DPF3: variants seen among roughly 807,000 people sequenced by gnomAD.
DPF3 encodes zinc finger protein DPF3.
Under a neutral mutation model 56.8 loss-of-function variants are expected in DPF3, and 18 were observed. That is an observed-to-expected ratio of 0.32 (90% CI 0.22 to 0.47). The LOEUF is 0.47. DPF3 is among the 20% of genes least tolerant of loss of function. The pLI, the probability that DPF3 is intolerant of heterozygous loss-of-function variation, is 1.00. For synonymous variants in DPF3, 188 were observed against 180.2 expected, an observed-to-expected ratio of 1.04 and a Z score of -0.35; for missense variants, 403 against 488.8, an observed-to-expected ratio of 0.82 and a Z score of 1.65.
intron 6 of DPF3, 44 bp downstream of exon 6, chr14:72,714,379 C>A: frequency 1.9e-6 from 3 of 1,607,820 alleles, no homozygotes; most frequent in Non-Finnish European, 2.6e-6. Flanking sequence ...GCCCTGGGGG[C>A]AGGCGCACAG....
At chr14:72,661,271 C>T in intron 8 of DPF3, 1 of 985,324 alleles carries the variant, frequency 1.0e-6, no homozygotes, top group Non-Finnish European at 1.2e-6. Context: ...TCGGTGATCC[C>T]CTCCACCAAC....
At chr14:72,875,171 C>T (rs1886065336) in intron 1 of DPF3, among the ~76,000 whole-genome samples, 1 of 152,220 alleles carries the variant, frequency 6.6e-6, no homozygotes, top group African/African-American at 2.4e-5. Flanking sequence ...GTCTCTCCCA[C>T]AACACATGGG....
chr14:72,855,490 G>T (rs10134150), intron 1 of DPF3, among the ~76,000 whole-genome samples: 88,253 of 152,092 alleles, frequency 0.58, 26,486 homozygotes, highest in East Asian at 0.88. Context: ...GGTCTGTTTA[G>T]TGCATTGAAA....
intron 8 of DPF3, among the ~76,000 whole-genome samples, chr14:72,641,870 G>A (rs1180644647): frequency 6.6e-6 from 1 of 152,230 alleles, no homozygotes; most frequent in African/African-American, 2.4e-5. Flanking sequence ...GTTATAAAAG[G>A]CACTGTGGTT....
rs1242773876 is a variant in DPF3 at position 72,845,613 on chromosome 14, TGC to T, written c.32+48442_32+48443del. Reference sequence around the variant, plus strand: ...GTGCCCATTGCAACATGGCACCCAATGCCACTTTCCAGAGTAGTGTGACGTCC... The same window carrying T: ...GTGCCCATTGCAACATGGCACCCAATCACTTTCCAGAGTAGTGTGACGTCC... On this transcript the variant is annotated intron_variant, in intron 1 of 10. Transcript: ENST00000556509. 2.0e-5 allele frequency among the ~76,000 whole-genome samples: 3 copies of T among 152,192 alleles called. No individual in the cohort carries two copies. In the East Asian group the frequency reaches 5.8e-4, roughly 29 times the overall value.
intron 3 of DPF3, among the ~76,000 whole-genome samples, chr14:72,737,908 T>G (rs112631058): frequency 6.6e-6 from 1 of 152,180 alleles, no homozygotes. Flanking sequence ...ATTTTTTTTT[T>G]TTTTAGCTGC....
chr14:72,740,870 A>G (rs1040803471), intron 3 of DPF3, among the ~76,000 whole-genome samples: 36 of 152,112 alleles, frequency 2.4e-4, no homozygotes, highest in African/African-American at 8.2e-4. Context: ...TCCCACGGCC[A>G]AGTTCTAGGT....
intron 2 of DPF3, among the ~76,000 whole-genome samples, chr14:72,754,780 A>G (rs1342841803): frequency 1.3e-5 from 2 of 152,148 alleles, no homozygotes; most frequent in African/African-American, 4.8e-5. Context: ...AACTCTACCC[A>G]TTTATTGGGA....
At position 72,715,670 on chromosome 14, in the gene DPF3, G is replaced by A. The variant is rs144029294; in HGVS notation, c.526-1169C>T. ...CACACACTCCATGTACACACTCACC[G>A]GGGACTTCACAGTGGAAAGGCCTGT... On this transcript the variant is annotated intron_variant, in intron 5 of 10. Transcript: ENST00000556509. Among the ~76,000 whole-genome samples the A allele has an allele frequency of 4.3e-3, 652 of 151,904 alleles. 2 individuals carry two copies. Among genetic ancestry groups the A allele is most frequent in the Middle Eastern group, 0.01 (3 of 294 alleles).
chr14:72,849,610 C>A (rs1161109728), intron 1 of DPF3, among the ~76,000 whole-genome samples: 1 of 152,164 alleles, frequency 6.6e-6, no homozygotes, highest in African/African-American at 2.4e-5. Context: ...CACCTCCCAC[C>A]TTCACCCTAA....
chr14:72,766,446 T>G lies in DPF3; in HGVS notation c.193+5287A>C, dbSNP rs111923527. Among the ~76,000 whole-genome samples, 339 of 152,282 alleles carry G rather than the reference T, an allele frequency of 2.2e-3. 2 individuals are homozygous for G. Among genetic ancestry groups the G allele is most frequent in the African/African-American group, 7.9e-3 (329 of 41,556 alleles). ...CTACCTATCTATCTAGCTATCTAACTATCTAGCTAGCTAGCTATTTATTGA... is the reference window on the plus strand; with the variant it reads ...CTACCTATCTATCTAGCTATCTAACGATCTAGCTAGCTAGCTATTTATTGA... On this transcript the variant is annotated intron_variant, in intron 2 of 10. Coordinates refer to ENST00000556509, the MANE Select transcript of DPF3 (RefSeq NM_001280542.3).
chr14:72,805,321 T>C (rs556585408), intron 1 of DPF3, among the ~76,000 whole-genome samples: 1 of 149,364 alleles, frequency 6.7e-6, no homozygotes, highest in Non-Finnish European at 1.5e-5. Context: ...AAATACAAAA[T>C]TAGCCGGGCA....
chr14:72,758,102 T>C (rs1185878436), intron 2 of DPF3, among the ~76,000 whole-genome samples: 1 of 152,152 alleles, frequency 6.6e-6, no homozygotes, highest in African/African-American at 2.4e-5. Flanking sequence ...TAATATACCA[T>C]TGGAACAATG....
Position 72,892,255 on chromosome 14 carries a change from G to A in DPF3, c.32+1802C>T, listed in dbSNP as rs370741767. The A allele has an allele frequency of 5.2e-6, 8 of 1,535,516 alleles. No homozygotes were observed. The African/African-American group carries it at 8.2e-5, about 16-fold the overall frequency. Reference sequence around the variant, plus strand: ...GAAACTGAAAATCAGTTGTGGGTTCGGTAGAAACAGCATCAGCGGTGTTGC... The same window carrying A: ...GAAACTGAAAATCAGTTGTGGGTTCAGTAGAAACAGCATCAGCGGTGTTGC... On this transcript the variant is annotated intron_variant, in intron 1 of 10. Coordinates refer to ENST00000556509, the MANE Select transcript of DPF3 (RefSeq NM_001280542.3).
At chr14:72,633,220 T>G in intron 8 of DPF3, among the ~76,000 whole-genome samples, 1 of 152,152 alleles carries the variant, frequency 6.6e-6, no homozygotes, top group East Asian at 1.9e-4. Flanking sequence ...GGATTCCTTC[T>G]GTGTTGAGCA....
intron 9 of DPF3, among the ~76,000 whole-genome samples, chr14:72,625,159 C>T (rs188531996): frequency 2.6e-5 from 4 of 152,234 alleles, no homozygotes; most frequent in African/African-American, 7.2e-5. Context: ...ATTGACAGTT[C>T]GTCCTTATAA....
intron 8 of DPF3, among the ~76,000 whole-genome samples, chr14:72,658,217 G>A (rs1331828664): frequency 6.6e-6 from 1 of 152,126 alleles, no homozygotes; most frequent in East Asian, 1.9e-4. Flanking sequence ...CTTTATGAGT[G>A]CTTATGTTCA....
rs79170683 is a variant in DPF3, at chr14:72,862,311, G to A, written c.32+31746C>T. On this transcript the variant is annotated intron_variant, in intron 1 of 10. Transcript: ENST00000556509. ...GACGAAGTGGAGCCCACACACACCT[G>A]CTGCCCTCACAGTCCTCACCATCAC... 9.6e-3 allele frequency among the ~76,000 whole-genome samples: 1,459 copies of A among 152,242 alleles called. 29 individuals are homozygous for A. Among genetic ancestry groups the A allele is most frequent in the African/African-American group, 0.033 (1,375 of 41,516 alleles).
At chr14:72,770,757 A>T (rs1416534604) in intron 2 of DPF3, among the ~76,000 whole-genome samples, 1 of 152,222 alleles carries the variant, frequency 6.6e-6, no homozygotes, top group Non-Finnish European at 1.5e-5. Flanking sequence ...AAACATTTTT[A>T]AAAACATATC....
Sources: allele counts gnomAD v4.1 joint callset (sites outside exome capture counted in the v4.1 genomes callset), GRCh38; gene constraint gnomAD v4.1.1; transcripts MANE v1.5; gene names NCBI Gene and HGNC (gene_info 2026-07-23, HGNC 2026-07-21).